ERBB4: variants seen among roughly 807,000 people sequenced by gnomAD.
ERBB4 encodes receptor tyrosine-protein kinase erbB-4.
In ERBB4, 42 loss-of-function variants were observed where a neutral mutation model predicts 158.0. The observed-to-expected ratio is 0.27, with a 90% CI of 0.21 to 0.34. The LOEUF (loss-of-function observed/expected upper bound fraction) is 0.34. Ranked by LOEUF, ERBB4 falls within the 10% of genes least tolerant of loss-of-function variation. The probability of loss-of-function intolerance (pLI) is 1.00; values close to 1 mark genes in which losing one functional copy is unlikely to be tolerated. For missense variants in ERBB4, 1,333 were observed against 1,624.1 expected, an observed-to-expected ratio of 0.82 and a Z score of 3.08; for synonymous variants, 583 against 558.7, an observed-to-expected ratio of 1.04 and a Z score of -0.61.
intron 19 of ERBB4, among the ~76,000 whole-genome samples, chr2:211,613,340 A>G (rs1192853375): frequency 6.6e-6 from 1 of 152,156 alleles, no homozygotes; most frequent in East Asian, 1.9e-4. Context: ...GGAAGCACTG[A>G]GGGATCGTGA....
At chr2:212,319,545 T>C (rs2087461721) in intron 1 of ERBB4, among the ~76,000 whole-genome samples, 1 of 150,614 alleles carries the variant, frequency 6.6e-6, no homozygotes, top group African/African-American at 2.4e-5. Flanking sequence ...TTTAAATCCA[T>C]GTAAGATTGA....
chr2:211,555,935 A>T (rs1253532639), intron 20 of ERBB4, among the ~76,000 whole-genome samples: 2 of 152,204 alleles, frequency 1.3e-5, no homozygotes, highest in Admixed American at 6.5e-5. Context: ...TAACCAGCTA[A>T]CATCACGATG....
chr2:212,287,489 G>A (rs551439888), intron 1 of ERBB4, among the ~76,000 whole-genome samples: 1 of 152,006 alleles, frequency 6.6e-6, no homozygotes, highest in Admixed American at 6.6e-5. Flanking sequence ...GTTTTAAAAT[G>A]AATCTGCTCC....
intron 1 of ERBB4, among the ~76,000 whole-genome samples, chr2:212,152,104 TC>T (rs770244978): frequency 1.3e-5 from 2 of 152,184 alleles, no homozygotes; most frequent in Non-Finnish European, 2.9e-5. Context: ...ATCATAAGGC[TC>T]TATTGTTTTT....
intron 19 of ERBB4, among the ~76,000 whole-genome samples, chr2:211,584,216 T>C (rs2068194570): frequency 6.6e-6 from 1 of 151,820 alleles, no homozygotes; most frequent in African/African-American, 2.4e-5. Flanking sequence ...AAATCCACAA[T>C]AGGTTTCAGT....
chr2:211,876,735 T>C (rs115619577), intron 3 of ERBB4, among the ~76,000 whole-genome samples: 2 of 152,320 alleles, frequency 1.3e-5, no homozygotes, highest in African/African-American at 4.8e-5. Flanking sequence ...GCAACGGGAA[T>C]ACTTTGAATG....
At chr2:212,249,814 G>A in intron 1 of ERBB4, among the ~76,000 whole-genome samples, 1 of 151,868 alleles carries the variant, frequency 6.6e-6, no homozygotes, top group East Asian at 1.9e-4. Context: ...CAGAAACACT[G>A]CATATGAAAA....
In ERBB4 at chr2:211,677,416, T is replaced by A. The variant is rs905241584; in HGVS notation, c.1622+1636A>T. Among the ~76,000 whole-genome samples, 50 of 151,406 alleles carry A rather than the reference T, an allele frequency of 3.3e-4. 1 individual carries two copies. The highest frequency in any genetic ancestry group is 1.2e-3 in the African/African-American group (49 of 41,088). Reference sequence around the variant, plus strand: ...CCTGTCTCTACTAAAAATACAAAATTAGCCCGGCATGGTGGCGGGCACCTG... The same window carrying A: ...CCTGTCTCTACTAAAAATACAAAATAAGCCCGGCATGGTGGCGGGCACCTG... On this transcript the variant is annotated intron_variant, in intron 13 of 27. Transcript: ENST00000342788.
intron 4 of ERBB4, among the ~76,000 whole-genome samples, chr2:211,766,035 C>G (rs1030040310): frequency 5.3e-5 from 8 of 152,272 alleles, no homozygotes; most frequent in African/African-American, 1.9e-4. Flanking sequence ...TTCCTTTGTG[C>G]ATTTTTATTC....
At chr2:212,514,347 G>C (rs1462032702) in intron 1 of ERBB4, among the ~76,000 whole-genome samples, 1 of 152,052 alleles carries the variant, frequency 6.6e-6, no homozygotes, top group Non-Finnish European at 1.5e-5. Context: ...AAGTTAACAA[G>C]GTACTTAAAA....
chr2:212,534,025 G>A (rs757399821), intron 1 of ERBB4, among the ~76,000 whole-genome samples: 8 of 152,122 alleles, frequency 5.3e-5, no homozygotes, highest in Non-Finnish European at 1.2e-4. Flanking sequence ...CAGAAAATCC[G>A]TTTTGATCAT....
intron 1 of ERBB4, among the ~76,000 whole-genome samples, chr2:212,133,122 C>A (rs1307652923): frequency 6.6e-6 from 1 of 151,902 alleles, no homozygotes; most frequent in East Asian, 1.9e-4. Context: ...CTCTGGGGAA[C>A]CCTGAGAAAC....
At chr2:211,923,517 G>C (rs1410135687) in intron 3 of ERBB4, among the ~76,000 whole-genome samples, 1 of 152,120 alleles carries the variant, frequency 6.6e-6, no homozygotes, top group Non-Finnish European at 1.5e-5. Flanking sequence ...TACTAGGCAA[G>C]ACTTAGAGCA....
At chr2:211,898,120 C>T (rs566552356) in intron 3 of ERBB4, among the ~76,000 whole-genome samples, 7 of 151,944 alleles carry the variant, frequency 4.6e-5, no homozygotes, top group African/African-American at 1.7e-4. Flanking sequence ...CATATCAACA[C>T]ATTTTAAGAG....
chr2:211,846,356 C>T (rs1190295313), intron 3 of ERBB4, among the ~76,000 whole-genome samples: 2 of 152,088 alleles, frequency 1.3e-5, no homozygotes. Context: ...AATGCAATTA[C>T]ATTCATCAGG....
chr2:212,176,984 A>C (rs1173602330), intron 1 of ERBB4, among the ~76,000 whole-genome samples: 1 of 151,914 alleles, frequency 6.6e-6, no homozygotes, highest in Admixed American at 6.6e-5. Context: ...ATACAAATGA[A>C]ATTAAAGTAG....
At chr2:212,087,466 A>G (rs1437209950) in intron 2 of ERBB4, among the ~76,000 whole-genome samples, 1 of 152,058 alleles carries the variant, frequency 6.6e-6, no homozygotes, top group African/African-American at 2.4e-5. Flanking sequence ...TCCATACCAC[A>G]TCATCATGGT....
At chr2:211,823,279 G>C (rs2077033088) in intron 3 of ERBB4, among the ~76,000 whole-genome samples, 1 of 151,852 alleles carries the variant, frequency 6.6e-6, no homozygotes. Flanking sequence ...TATGGAAAAT[G>C]ACAAAAGAAA....
chr2:211,413,745 C>G (rs936586608), intron 25 of ERBB4, among the ~76,000 whole-genome samples: 2 of 151,946 alleles, frequency 1.3e-5, no homozygotes, highest in African/African-American at 2.4e-5. Context: ...CTCCTTAGCT[C>G]AGCTAATCTG....
Sources: allele counts gnomAD v4.1 joint callset (sites outside exome capture counted in the v4.1 genomes callset), GRCh38; gene constraint gnomAD v4.1.1; transcripts MANE v1.5; gene names NCBI Gene and HGNC (gene_info 2026-07-23, HGNC 2026-07-21).